RORA: variants seen among roughly 807,000 people sequenced by gnomAD.
RORA encodes the protein RAR related orphan receptor A.
In RORA, 7 loss-of-function variants were observed where a neutral mutation model predicts 69.5. The observed-to-expected ratio is 0.10, with a 90% confidence interval of 0.06 to 0.19. RORA has a LOEUF of 0.19. Ranked by LOEUF, RORA falls within the 10% of genes least tolerant of loss-of-function variation. RORA has a pLI of 1.00. For synonymous variants in RORA, 261 were observed against 240.8 expected, an observed-to-expected ratio of 1.08 and a Z score of -0.78; for missense variants, 457 against 663.0, an observed-to-expected ratio of 0.69 and a Z score of 3.41.
intron 2 of RORA, among the ~76,000 whole-genome samples, chr15:60,590,175 ATCTCTCTC>A (rs56192812): frequency 2.0e-4 from 30 of 146,814 alleles, no homozygotes; most frequent in Non-Finnish European, 3.6e-4. Flanking sequence ...CTCTTCCTCT[ATCTCTCTC>A]TCTCTCTCTC....
chr15:60,787,394 CACA>C (rs1349337475), intron 1 of RORA, among the ~76,000 whole-genome samples: 3 of 152,234 alleles, frequency 2.0e-5, no homozygotes, highest in East Asian at 1.9e-4. Context: ...GGCATTTCTT[CACA>C]ACATTTCCCC....
chr15:60,634,323 C>G (rs2028123), intron 2 of RORA, among the ~76,000 whole-genome samples: 5,026 of 152,238 alleles, frequency 0.033, 291 homozygotes, highest in African/African-American at 0.12. Flanking sequence ...TGTCCAGCCT[C>G]TCTCAGTGAC....
chr15:60,543,541 C>T (rs569680635), intron 2 of RORA, among the ~76,000 whole-genome samples: 2 of 152,106 alleles, frequency 1.3e-5, no homozygotes, highest in South Asian at 2.1e-4. Context: ...TGCAGTGGTG[C>T]GATCACAGCT....
chr15:61,117,177 A>ATTT (rs2079058015), intron 1 of RORA, among the ~76,000 whole-genome samples: 1 of 101,422 alleles, frequency 9.9e-6, no homozygotes. Flanking sequence ...GTTAAAAGTT[A>ATTT]CTTTTTTTTT....
chr15:61,173,259 GT>G (rs2079600830), intron 1 of RORA, among the ~76,000 whole-genome samples: 1 of 152,172 alleles, frequency 6.6e-6, no homozygotes, highest in Non-Finnish European at 1.5e-5. Context: ...CAGCTTGAAA[GT>G]GGTGGTACAA....
intron 2 of RORA, among the ~76,000 whole-genome samples, chr15:60,599,199 C>T (rs566911813): frequency 6.6e-6 from 1 of 152,324 alleles, no homozygotes; most frequent in Non-Finnish European, 1.5e-5. Flanking sequence ...GGCCAAATCA[C>T]ATCTTGGTGG....
chr15:60,611,493 A>G (rs1377376526), intron 2 of RORA, among the ~76,000 whole-genome samples: 1 of 131,200 alleles, frequency 7.6e-6, no homozygotes, highest in Admixed American at 9.3e-5. Flanking sequence ...TCTATTCTGC[A>G]TTTTCTTTGT....
At chr15:61,149,939 A>T (rs2079383437) in intron 1 of RORA, among the ~76,000 whole-genome samples, 1 of 152,224 alleles carries the variant, frequency 6.6e-6, no homozygotes, top group South Asian at 2.1e-4. Flanking sequence ...TGTGATGATG[A>T]ACTCTGAGTC....
intron 1 of RORA, among the ~76,000 whole-genome samples, chr15:61,143,214 T>C (rs1182291798): frequency 2.0e-5 from 3 of 152,092 alleles, no homozygotes; most frequent in Admixed American, 2.0e-4. Context: ...AAAGGTATCA[T>C]TTTTAAGAGC....
Position 61,213,272 on chromosome 15 carries a change from C to G in RORA, c.166+15781G>C, listed in dbSNP as rs909478721. ...ACTCTTCTTCGCCTTCCACTCCCAA[C>G]CCTCACCCCAGTCTTGGCCTTCAAT... On this transcript the variant is annotated intron_variant, in intron 1 of 10. Transcript: ENST00000335670. This position sits in a 1 kb window ranked among gnomAD's most constrained non-coding sequence, Gnocchi z 4.1. 2.6e-5 allele frequency among the ~76,000 whole-genome samples: 4 copies of G among 152,192 alleles called. No individual in the cohort carries two copies. Among genetic ancestry groups the G allele is most frequent in the African/African-American group, 9.7e-5 (4 of 41,436 alleles).
chr15:61,062,016 T>C (rs536119983), intron 1 of RORA, among the ~76,000 whole-genome samples: 1 of 152,256 alleles, frequency 6.6e-6, no homozygotes, highest in East Asian at 1.9e-4. Flanking sequence ...TGAGCTGGGA[T>C]TGTGCCACTG....
chr15:60,924,011 C>T (rs1449718142), intron 1 of RORA, among the ~76,000 whole-genome samples: 1 of 152,190 alleles, frequency 6.6e-6, no homozygotes, highest in Non-Finnish European at 1.5e-5. Flanking sequence ...AAGGGGTGAG[C>T]ACTGGCAGAG....
intron 2 of RORA, among the ~76,000 whole-genome samples, chr15:60,662,682 A>G (rs1296478293): frequency 1.3e-5 from 2 of 152,044 alleles, no homozygotes; most frequent in Non-Finnish European, 2.9e-5. Flanking sequence ...CAATTCTGGT[A>G]TACTGTAATG....
At chr15:60,956,740 G>C (rs1893277381) in intron 1 of RORA, among the ~76,000 whole-genome samples, 2 of 152,188 alleles carry the variant, frequency 1.3e-5, no homozygotes, top group Admixed American at 1.3e-4. Flanking sequence ...AGCTATTACT[G>C]TTACAATGAT....
At chr15:60,593,818 T>C (rs1185749869) in intron 2 of RORA, among the ~76,000 whole-genome samples, 1 of 149,038 alleles carries the variant, frequency 6.7e-6, no homozygotes, top group Non-Finnish European at 1.5e-5. Flanking sequence ...CAAGGATAAT[T>C]CTAGCATATT....
rs542957236 is a variant in RORA at position 61,153,375 on chromosome 15, G to A, written c.166+75678C>T. 3.9e-5 allele frequency among the ~76,000 whole-genome samples: 6 copies of A among 152,292 alleles called. No individual in the cohort carries two copies. In the South Asian group the frequency reaches 1.2e-3, roughly 32 times the overall value. On this transcript the variant is annotated intron_variant, in intron 1 of 10. Transcript: ENST00000335670. ...CTCCTCCAACTCCAAAACCAGTGAGGGAAATTTTACTAATTATTACTAAGA... is the reference window on the plus strand; with the variant it reads ...CTCCTCCAACTCCAAAACCAGTGAGAGAAATTTTACTAATTATTACTAAGA...
intron 1 of RORA, among the ~76,000 whole-genome samples, chr15:61,048,708 C>T (rs1897156700): frequency 6.6e-6 from 1 of 152,104 alleles, no homozygotes; most frequent in Non-Finnish European, 1.5e-5. Flanking sequence ...CATAGAGTCC[C>T]CCTGAACAAT....
At chr15:60,734,037 G>A (rs1454621642) in intron 1 of RORA, among the ~76,000 whole-genome samples, 2 of 152,118 alleles carry the variant, frequency 1.3e-5, no homozygotes, top group African/African-American at 2.4e-5. Context: ...GGAGGAGAGA[G>A]ACAGAGAGTG....
chr15:61,125,114 T>C (rs2079132638), intron 1 of RORA, among the ~76,000 whole-genome samples: 1 of 152,216 alleles, frequency 6.6e-6, no homozygotes, highest in Admixed American at 6.5e-5. Flanking sequence ...AAATTGCCTA[T>C]AAAATATAAA....
Sources: allele counts gnomAD v4.1 joint callset (sites outside exome capture counted in the v4.1 genomes callset), GRCh38; gene constraint gnomAD v4.1.1; non-coding constraint Gnocchi (gnomAD v3.1); transcripts MANE v1.5; gene names NCBI Gene and HGNC (gene_info 2026-07-23, HGNC 2026-07-21).